NFIA: variants seen among roughly 807,000 people sequenced by gnomAD.
NFIA encodes nuclear factor 1 A-type.
A neutral mutation model predicts 62.8 loss-of-function variants in NFIA; 8 were observed. That is an observed-to-expected ratio of 0.13 (90% CI 0.07 to 0.23). The LOEUF is 0.23. Among genes scored for constraint, NFIA ranks in the 10% least tolerant of loss-of-function variants. The pLI is 1.00. For synonymous variants in NFIA, 235 were observed against 238.1 expected, an observed-to-expected ratio of 0.99 and a Z score of 0.12; for missense variants, 410 against 642.1, an observed-to-expected ratio of 0.64 and a Z score of 3.91.
chr1:61,247,786 T>G (rs74090359), intron 2 of NFIA, among the ~76,000 whole-genome samples: 1,574 of 152,294 alleles, frequency 0.01, 26 homozygotes, highest in African/African-American at 0.035. Context: ...GGGCCATGGT[T>G]TTAACTTGGA....
At chr1:61,195,699 T>A (rs559382958) in intron 2 of NFIA, among the ~76,000 whole-genome samples, 1 of 152,320 alleles carries the variant, frequency 6.6e-6, no homozygotes, top group East Asian at 1.9e-4. Context: ...TTTGTAAATG[T>A]TTTATAATAA....
chr1:61,296,073 C>T (rs887219620), intron 3 of NFIA, among the ~76,000 whole-genome samples: 1 of 152,132 alleles, frequency 6.6e-6, no homozygotes, highest in African/African-American at 2.4e-5. Flanking sequence ...CTGTGTTTAC[C>T]GTGGTATCAC....
chr1:61,317,190 AAGG>A (rs745567235), intron 3 of NFIA, among the ~76,000 whole-genome samples: 89 of 152,258 alleles, frequency 5.8e-4, no homozygotes, highest in African/African-American at 1.9e-3. Flanking sequence ...AAACTGGAAA[AAGG>A]AGGCCATTTT....
At chr1:61,310,261 T>G (rs1011016240) in intron 3 of NFIA, among the ~76,000 whole-genome samples, 3 of 152,190 alleles carry the variant, frequency 2.0e-5, no homozygotes, top group Admixed American at 2.0e-4. Flanking sequence ...GACACAGCAG[T>G]AGGAAAAGAC....
At chr1:61,199,925 G>A (rs763856508) in intron 2 of NFIA, among the ~76,000 whole-genome samples, 9 of 149,684 alleles carry the variant, frequency 6.0e-5, no homozygotes, top group Non-Finnish European at 1.0e-4. Flanking sequence ...AAACCAGGAG[G>A]CGGAGGCTGC....
intron 3 of NFIA, among the ~76,000 whole-genome samples, chr1:61,322,050 A>G (rs1424040257): frequency 6.6e-6 from 1 of 152,240 alleles, no homozygotes; most frequent in Non-Finnish European, 1.5e-5. Flanking sequence ...AAAATTCATT[A>G]TATAAAGAGT....
chr1:61,329,221 T>G (rs56309410), intron 3 of NFIA, among the ~76,000 whole-genome samples: 53,767 of 148,300 alleles, frequency 0.36, 11,537 homozygotes, highest in African/African-American at 0.61. Flanking sequence ...CTAATTTTTT[T>G]TATTTTTAGT....
At chr1:61,144,552 G>A (rs1647790576) in intron 2 of NFIA, among the ~76,000 whole-genome samples, 1 of 152,140 alleles carries the variant, frequency 6.6e-6, no homozygotes, top group African/African-American at 2.4e-5. Context: ...ACATGTACCT[G>A]AATTCAGATT....
chr1:61,101,826 G>A (rs1646517555), intron 2 of NFIA, among the ~76,000 whole-genome samples: 1 of 152,154 alleles, frequency 6.6e-6, no homozygotes, highest in African/African-American at 2.4e-5. Flanking sequence ...AGCATGTAAG[G>A]GGTCTTATAA....
At chr1:61,368,307 T>G (rs1663703781) in intron 6 of NFIA, among the ~76,000 whole-genome samples, 1 of 152,190 alleles carries the variant, frequency 6.6e-6, no homozygotes, top group Admixed American at 6.6e-5. Context: ...GGTGGCCAAC[T>G]CATGGTGTGG....
At chr1:61,225,549 C>T (rs986361484) in intron 2 of NFIA, among the ~76,000 whole-genome samples, 34 of 141,640 alleles carry the variant, frequency 2.4e-4, no homozygotes, top group African/African-American at 9.1e-4. Flanking sequence ...GCGCCCAGCT[C>T]GTACTTTTTT....
At chr1:61,101,383 G>A (rs1646505917) in intron 2 of NFIA, among the ~76,000 whole-genome samples, 2 of 130,494 alleles carry the variant, frequency 1.5e-5, no homozygotes, top group Admixed American at 1.7e-4. Context: ...CAACAAGAGT[G>A]AAACTCCATC....
At chr1:61,297,009 A>G (rs1459235067) in intron 3 of NFIA, among the ~76,000 whole-genome samples, 12 of 152,178 alleles carry the variant, frequency 7.9e-5, no homozygotes. Flanking sequence ...CATGGCATAA[A>G]CTGGTGGAGA....
At chr1:61,377,524 G>C (rs1664209665) in intron 6 of NFIA, among the ~76,000 whole-genome samples, 1 of 152,136 alleles carries the variant, frequency 6.6e-6, no homozygotes, top group African/African-American at 2.4e-5. Flanking sequence ...CACTATCCAA[G>C]TCATGAACAA....
intron 7 of NFIA, among the ~76,000 whole-genome samples, chr1:61,389,630 T>C (rs1348270199): frequency 6.6e-6 from 1 of 152,206 alleles, no homozygotes; most frequent in East Asian, 1.9e-4. Flanking sequence ...TGGGAGAAAT[T>C]AACTGCATTT....
chr1:61,354,939 A>G (rs535046000), intron 5 of NFIA, among the ~76,000 whole-genome samples: 1 of 152,236 alleles, frequency 6.6e-6, no homozygotes, highest in South Asian at 2.1e-4. Flanking sequence ...AAGTCAAATA[A>G]GAGGGGCTTT....
intron 2 of NFIA, among the ~76,000 whole-genome samples, chr1:61,095,528 T>G (rs1646396010): frequency 6.6e-6 from 1 of 152,178 alleles, no homozygotes; most frequent in Non-Finnish European, 1.5e-5. Flanking sequence ...ATCACACACC[T>G]GTCTTGAATC....
At chr1:61,142,814 C>T (rs1359932498) in intron 2 of NFIA, among the ~76,000 whole-genome samples, 1 of 152,140 alleles carries the variant, frequency 6.6e-6, no homozygotes, top group African/African-American at 2.4e-5. Flanking sequence ...GCTCTTAGGG[C>T]ACATGGAAAG....
chr1:61,205,084 G>T (rs771846378), intron 2 of NFIA, among the ~76,000 whole-genome samples: 10 of 152,126 alleles, frequency 6.6e-5, no homozygotes, highest in Non-Finnish European at 1.3e-4. Flanking sequence ...GTACTTAATG[G>T]CTATCCTATA....
Sources: allele counts gnomAD v4.1 joint callset (sites outside exome capture counted in the v4.1 genomes callset), GRCh38; gene constraint gnomAD v4.1.1; transcripts MANE v1.5; gene names NCBI Gene and HGNC (gene_info 2026-07-23, HGNC 2026-07-21).